The following PRKCA variants were observed in gnomAD, a reference collection of about 807,000 sequenced individuals.
PRKCA encodes protein kinase C alpha, also known as protein kinase C alpha type.
A neutral mutation model predicts 87.0 loss-of-function variants in PRKCA; 27 were observed. The ratio of observed to expected loss-of-function variants is 0.31; its 90% CI spans 0.23 to 0.43. PRKCA has a LOEUF of 0.43. Ranked by LOEUF, PRKCA falls within the 20% of genes least tolerant of loss-of-function variation. The pLI is 1.00. For missense variants in PRKCA, 518 were observed against 852.3 expected (o/e 0.61, Z 4.88); for synonymous variants, 329 against 311.1 (o/e 1.06, Z -0.61).
chr17:66,316,443 C>T (rs913415982), intron 2 of PRKCA, among the ~76,000 whole-genome samples: 1 of 151,866 alleles, frequency 6.6e-6, no homozygotes, highest in Non-Finnish European at 1.5e-5. Context: ...ACCGGTGGGC[C>T]GCATGCAGCC....
intron 3 of PRKCA, among the ~76,000 whole-genome samples, chr17:66,627,575 C>T (rs1238970613): frequency 6.6e-6 from 1 of 152,190 alleles, no homozygotes; most frequent in Non-Finnish European, 1.5e-5. Flanking sequence ...ACAGACAATG[C>T]AGCTATACTT....
intron 2 of PRKCA, among the ~76,000 whole-genome samples, chr17:66,398,569 C>T (rs946159631): frequency 6.6e-6 from 1 of 152,072 alleles, no homozygotes; most frequent in African/African-American, 2.4e-5. Context: ...CCCTGGGTAA[C>T]TGTAGGATTA....
chr17:66,488,140 C>G (rs1395319156), intron 2 of PRKCA, among the ~76,000 whole-genome samples: 1 of 152,028 alleles, frequency 6.6e-6, no homozygotes, highest in Non-Finnish European at 1.5e-5. Context: ...CTTAACTTGC[C>G]CCTTGGTCTT....
At chr17:66,761,691 T>TG (rs1490113957) in intron 13 of PRKCA, among the ~76,000 whole-genome samples, 1 of 152,016 alleles carries the variant, frequency 6.6e-6, no homozygotes, top group Non-Finnish European at 1.5e-5. Flanking sequence ...CCCAAAGTGC[T>TG]GGGATTACAA....
intron 3 of PRKCA, among the ~76,000 whole-genome samples, chr17:66,589,035 T>C (rs748859151): frequency 6.6e-6 from 1 of 152,204 alleles, no homozygotes; most frequent in Non-Finnish European, 1.5e-5. Context: ...AACAAGTTGC[T>C]GATACCTTAG....
chr17:66,392,269 G>A (rs540358782), intron 2 of PRKCA, among the ~76,000 whole-genome samples: 3 of 151,830 alleles, frequency 2.0e-5, no homozygotes, highest in Non-Finnish European at 2.9e-5. Flanking sequence ...AGAGGACTAC[G>A]TGCTTTGGGA....
At chr17:66,769,216 G>T (rs928281479) in intron 13 of PRKCA, among the ~76,000 whole-genome samples, 3 of 152,044 alleles carry the variant, frequency 2.0e-5, no homozygotes, top group Admixed American at 2.0e-4. Flanking sequence ...AAATTATCTG[G>T]GTGTGGTGGT....
At chr17:66,641,237 G>A in intron 3 of PRKCA, 118 bp from the exon 4 acceptor site, 1 of 672,116 alleles carries the variant, frequency 1.5e-6, no homozygotes, top group South Asian at 1.9e-5. Context: ...ATGATGCACA[G>A]TCTGGTGTTA....
intron 2 of PRKCA, among the ~76,000 whole-genome samples, chr17:66,491,198 G>C (rs1298212182): frequency 6.6e-6 from 1 of 152,214 alleles, no homozygotes; most frequent in East Asian, 1.9e-4. Context: ...ATTAGAGAAA[G>C]TGATTTTGTG....
chr17:66,482,072 GC>G (rs1445621752), intron 2 of PRKCA, among the ~76,000 whole-genome samples: 1 of 128,186 alleles, frequency 7.8e-6, no homozygotes, highest in Non-Finnish European at 1.5e-5. Context: ...TTGTACTCCA[GC>G]CTGGGCGACA....
intron 5 of PRKCA, among the ~76,000 whole-genome samples, chr17:66,681,168 G>A (rs1245463270): frequency 1.3e-5 from 2 of 152,190 alleles, no homozygotes; most frequent in East Asian, 3.9e-4. Flanking sequence ...GGCGGAAGTT[G>A]CAGTGAGCCA....
chr17:66,507,730 G>A (rs1917041076), intron 3 of PRKCA, among the ~76,000 whole-genome samples: 1 of 152,178 alleles, frequency 6.6e-6, no homozygotes, highest in African/African-American at 2.4e-5. Context: ...TACACCCTAA[G>A]CTGAAAGCCA....
Position 66,761,520 on chromosome 17 carries a change from G to A in PRKCA, c.1525-12467G>A, listed in dbSNP as rs187991177. Among the ~76,000 whole-genome samples, 642 of 151,594 alleles carry A rather than the reference G, an allele frequency of 4.2e-3. 3 individuals carry two copies. Among genetic ancestry groups the A allele is most frequent in the Non-Finnish European group, 5.0e-3 (338 of 67,880 alleles). ...TGCCCAGGCTAAAGTGCAGTGGCAC[G>A]ATCTTGGCTCACTGCAACCTCTACC... On this transcript the variant is annotated intron_variant, in intron 13 of 16. Coordinates refer to ENST00000413366, the MANE Select transcript of PRKCA (RefSeq NM_002737.3).
chr17:66,348,224 G>C (rs575650784), intron 2 of PRKCA, among the ~76,000 whole-genome samples: 1 of 152,100 alleles, frequency 6.6e-6, no homozygotes, highest in African/African-American at 2.4e-5. Flanking sequence ...TTATAGGTGT[G>C]AGCCACCATG....
chr17:66,315,011 G>GTA (rs571834790), intron 2 of PRKCA, among the ~76,000 whole-genome samples: 9 of 151,828 alleles, frequency 5.9e-5, no homozygotes, highest in Admixed American at 4.6e-4. Flanking sequence ...ATATATGTGT[G>GTA]TATATATATG....
chr17:66,417,866 A>G (rs546419304), intron 2 of PRKCA, among the ~76,000 whole-genome samples: 3 of 152,200 alleles, frequency 2.0e-5, no homozygotes, highest in Non-Finnish European at 4.4e-5. Flanking sequence ...CACAGTCCCC[A>G]GGATGCATGC....
At chr17:66,695,024 A>G (rs1238510662) in intron 8 of PRKCA, among the ~76,000 whole-genome samples, 1 of 152,180 alleles carries the variant, frequency 6.6e-6, no homozygotes, top group East Asian at 1.9e-4. Flanking sequence ...GGTGAGGGGA[A>G]GGGAGTTCTG....
At chr17:66,412,371 CTATT>C (rs578026802) in intron 2 of PRKCA, among the ~76,000 whole-genome samples, 9 of 152,096 alleles carry the variant, frequency 5.9e-5, no homozygotes, top group African/African-American at 2.2e-4. Flanking sequence ...TTTAAAATTT[CTATT>C]TATTTATTTA....
intron 2 of PRKCA, among the ~76,000 whole-genome samples, chr17:66,424,839 A>G (rs1031912413): frequency 1.4e-5 from 2 of 145,836 alleles, no homozygotes; most frequent in African/African-American, 2.6e-5. Context: ...AGCCTCAACC[A>G]CCCGGGCTCA....
Sources: gnomAD v4.1 joint callset for allele counts (sites outside exome capture counted in the v4.1 genomes callset) on GRCh38, gnomAD v4.1.1 for gene constraint, MANE v1.5 for transcripts, NCBI Gene and HGNC (gene_info 2026-07-23, HGNC 2026-07-21) for gene names.